Variants in CCNB1IP1 observed in about 807,000 individuals in gnomAD.
The protein encoded by CCNB1IP1 is cyclin B1 interacting protein 1.
A neutral mutation model predicts 25.6 loss-of-function variants in CCNB1IP1; 14 were observed. The ratio of observed to expected loss-of-function variants is 0.55; its 90% CI spans 0.36 to 0.85. CCNB1IP1 has a LOEUF of 0.85. Among genes scored for constraint, CCNB1IP1 ranks in the 40% least tolerant of loss-of-function variants. CCNB1IP1 has a pLI of 0.01. For synonymous variants in CCNB1IP1, 119 were observed against 116.1 expected (o/e 1.02, Z -0.16); for missense variants, 278 against 342.4 (o/e 0.81, Z 1.48).
chr14:20,323,917 C>CAA (rs59156707), intron 4 of CCNB1IP1, among the ~76,000 whole-genome samples: 2,406 of 72,372 alleles, frequency 0.033, 155 homozygotes, highest in African/African-American at 0.088. Context: ...GACTCCGTCT[C>CAA]AAAAAAAAAA....
intron 1 of CCNB1IP1, among the ~76,000 whole-genome samples, chr14:20,332,026 A>ATATATATTTTTTTT (rs59034398): frequency 2.5e-5 from 1 of 40,750 alleles, no homozygotes; most frequent in African/African-American, 8.7e-5. Context: ...ATATATATAT[A>ATATATATTTTTTTT]TTTTTTTTTT....
At chr14:20,324,984 T>G (rs896664975) in intron 4 of CCNB1IP1, among the ~76,000 whole-genome samples, 1 of 152,078 alleles carries the variant, frequency 6.6e-6, no homozygotes, top group Admixed American at 6.5e-5. Context: ...TAATTTTTTG[T>G]ATTTTTTTAG....
chr14:20,320,392 C>T (rs572788629), intron 4 of CCNB1IP1: 1 of 452,050 alleles, frequency 2.2e-6, no homozygotes, highest in African/African-American at 2.0e-5. Context: ...CTGTAACATT[C>T]CTAGGTTATA....
chr14:20,315,132 T>A (rs891139683), intron 5 of CCNB1IP1, among the ~76,000 whole-genome samples: 2 of 6,968 alleles, frequency 2.9e-4, no homozygotes, highest in African/African-American at 6.0e-4. Context: ...CATATACACC[T>A]CACCAAAAAA....
chr14:20,325,216 T>C (rs1883033199), intron 4 of CCNB1IP1, among the ~76,000 whole-genome samples: 1 of 150,560 alleles, frequency 6.6e-6, no homozygotes, highest in African/African-American at 2.4e-5. Context: ...GGTCAGGAGA[T>C]CGAGACCATC....
At chr14:20,317,071 T>TG (rs1452191534) in intron 4 of CCNB1IP1, among the ~76,000 whole-genome samples, 3 of 151,922 alleles carry the variant, frequency 2.0e-5, no homozygotes, top group Admixed American at 1.3e-4. Flanking sequence ...ATCGCATCAC[T>TG]GCACTCCAGC....
intron 2 of CCNB1IP1, among the ~76,000 whole-genome samples, chr14:20,327,315 C>G (rs1883106375): frequency 6.6e-6 from 1 of 151,836 alleles, no homozygotes. Flanking sequence ...TCAGTTTTTT[C>G]AAAGCATGTT....
intron 4 of CCNB1IP1, chr14:20,323,181 T>C (rs1365300911): frequency 6.6e-6 from 1 of 152,112 alleles, no homozygotes; most frequent in Non-Finnish European, 1.5e-5. Flanking sequence ...CGTTTAGTAA[T>C]TGTTTGACTC....
intron 2 of CCNB1IP1, among the ~76,000 whole-genome samples, chr14:20,328,638 T>C (rs185547655): frequency 2.0e-5 from 3 of 152,260 alleles, no homozygotes; most frequent in East Asian, 3.9e-4. Context: ...TACAGGATAA[T>C]AATTATAGGT....
chr14:20,321,818 G>T (rs948615425), intron 4 of CCNB1IP1, among the ~76,000 whole-genome samples: 6 of 152,156 alleles, frequency 3.9e-5, no homozygotes, highest in Admixed American at 1.3e-4. Context: ...TGAGATTCTG[G>T]TATAAGCACG....
At chr14:20,317,660 C>G (rs929170340) in intron 4 of CCNB1IP1, 2 of 152,212 alleles carry the variant, frequency 1.3e-5, no homozygotes, top group Non-Finnish European at 2.9e-5. Flanking sequence ...TGGGAGTAAG[C>G]GCCAATCTAA....
rs368121433 is a variant in CCNB1IP1 at position 20,316,473 on chromosome 14, G to A, written c.51C>T (p.Ile17=). Residue 17 remains isoleucine, a synonymous_variant, in exon 5 of 7, where the codon ATC becomes ATT. Transcript: ENST00000358932. ...TGACCCATGCATAGCCAGAGAGTTT[G>A]ATGCGACACTTTCGATAATTACAAA... The part of the protein sequence containing the change: ...MLLCNYRKCR[I]KLSGYAWVTA... 1.1e-4 allele frequency: 181 copies of A among 1,612,880 alleles called. No individual in the cohort carries two copies. Among genetic ancestry groups the A allele is most frequent in the Non-Finnish European group, 1.5e-4 (174 of 1,179,992 alleles).
chr14:20,328,271 T>C (rs1594284410), intron 2 of CCNB1IP1, among the ~76,000 whole-genome samples: 1 of 152,196 alleles, frequency 6.6e-6, no homozygotes, highest in East Asian at 1.9e-4. Flanking sequence ...CAATTCACCA[T>C]GGTACTTCCT....
In CCNB1IP1 at chr14:20,313,860, A is replaced by G; in HGVS notation, c.298-59T>C. 2 of 1,259,478 alleles carry G rather than the reference A, an allele frequency of 1.6e-6. 1 individual carries two copies. The highest frequency in any genetic ancestry group is 2.2e-6 in the Non-Finnish European group (2 of 927,802). The allele number at this position is 1,259,478 out of a possible 1,614,324, so 78.0% of individuals were successfully genotyped here. ...TGGGTACAAAGTTATATATTGTAAA[A>G]TGTTATACAAACACAAAAGGAAAAG... On this transcript the variant is annotated intron_variant, in intron 5 of 6. Coordinates refer to ENST00000358932, the MANE Select transcript of CCNB1IP1 (RefSeq NM_021178.5).
At position 20,332,026 on chromosome 14, in the gene CCNB1IP1, A is replaced by ATTTTTTTTTT. The variant is rs57345952; in HGVS notation, c.-431+1218_-431+1227dup. On this transcript the variant is annotated intron_variant, in intron 1 of 6. Transcript: ENST00000358932. ...TATACATATATATATATATATATATATTTTTTTTTTTTTTTTTTTTTTTTT... is the reference window on the plus strand; with the variant it reads ...TATACATATATATATATATATATATATTTTTTTTTTTTTTTTTTTTTTTTTTTTTTTTTTT... Among the ~76,000 whole-genome samples, 10 of 40,742 alleles carry ATTTTTTTTTT rather than the reference A, an allele frequency of 2.5e-4. 1 individual carries two copies. Among genetic ancestry groups the ATTTTTTTTTT allele is most frequent in the East Asian group, 8.6e-4 (1 of 1,160 alleles). 26.7% of individuals were successfully genotyped at this position (40,742 alleles called of 152,430 possible).
In CCNB1IP1 at chr14:20,316,704, T is replaced by G. The variant is rs549462774; in HGVS notation, c.-37-144A>C. On this transcript the variant is annotated intron_variant, in intron 4 of 6. Transcript: ENST00000358932. The stretch of plus-strand genomic sequence containing the variant: ...GTATTTATTATAATTGATATATTGA[T>G]TTCAGTTACTCAATAATATTAATTG... 1.6e-5 allele frequency: 9 copies of G among 570,104 alleles called. No individual in the cohort carries two copies. The South Asian group carries it at 2.2e-4, about 14-fold the overall frequency. The allele number at this position is 570,104 out of a possible 1,614,324, so 35.3% of individuals were successfully genotyped here. A position where few individuals can be genotyped will look rare whatever the true frequency, so the allele number is the denominator to read the frequency against.
Position 20,311,478 on chromosome 14 carries a change from G to T in CCNB1IP1, c.*72C>A. On this transcript the variant is annotated 3_prime_UTR_variant, in exon 7 of 7. Coordinates refer to ENST00000358932, the MANE Select transcript of CCNB1IP1 (RefSeq NM_021178.5). ...TAGATCACTAAAGCCTCAGACTCCT[G>T]GGCTCAAGTGATCCTCCCAGCCTCA... 2.3e-6 allele frequency: 3 copies of T among 1,320,202 alleles called. No individual in the cohort carries two copies. The highest frequency in any genetic ancestry group is 2.4e-5 in the South Asian group (2 of 84,042). 81.8% of individuals were successfully genotyped at this position (1,320,202 alleles called of 1,614,324 possible).
At chr14:20,328,370 T>G (rs1255889901) in intron 2 of CCNB1IP1, among the ~76,000 whole-genome samples, 1 of 152,226 alleles carries the variant, frequency 6.6e-6, no homozygotes, top group Non-Finnish European at 1.5e-5. Context: ...TGAAGCATTT[T>G]AAATATCTCA....
intron 1 of CCNB1IP1, among the ~76,000 whole-genome samples, chr14:20,332,023 TATA>T (rs200032685): frequency 0.044 from 2,357 of 53,778 alleles, 59 homozygotes; most frequent in Non-Finnish European, 0.06. Flanking sequence ...TATATATATA[TATA>T]TTTTTTTTTT....
Sources: allele counts gnomAD v4.1 joint callset (sites outside exome capture counted in the v4.1 genomes callset), GRCh38; gene constraint gnomAD v4.1.1; transcripts MANE v1.5; gene names NCBI Gene and HGNC (gene_info 2026-07-23, HGNC 2026-07-21).